The following ERC1 variants were observed in gnomAD, a reference collection of about 807,000 sequenced individuals.
The protein encoded by ERC1 is RAB6 interacting protein 2.
In ERC1, 56 loss-of-function variants were observed where a neutral mutation model predicts 132.0. The observed-to-expected ratio is 0.42, with a 90% confidence interval of 0.34 to 0.53. The LOEUF is 0.53. Ranked by LOEUF, ERC1 falls within the 20% of genes least tolerant of loss-of-function variation. The pLI, the probability that ERC1 is intolerant of heterozygous loss-of-function variation, is 0.03. For missense variants in ERC1, 1,202 were observed against 1,349.9 expected (o/e 0.89, Z 1.72); for synonymous variants, 478 against 476.1 (o/e 1.00, Z -0.05).
chr12:1,137,270 T>C (rs1949350198), intron 7 of ERC1, among the ~76,000 whole-genome samples: 1 of 151,396 alleles, frequency 6.6e-6, no homozygotes, highest in South Asian at 2.1e-4. Context: ...AGCTAATTTT[T>C]GTATTTTTAG....
chr12:1,464,511 CTTTTTTTTTTTTTT>C (rs34542821), intron 18 of ERC1, among the ~76,000 whole-genome samples: 5 of 67,398 alleles, frequency 7.4e-5, no homozygotes, highest in African/African-American at 2.8e-4. Flanking sequence ...ATGCAAAAGC[CTTTTTTTTTTTTTT>C]TTTTTTTTTT....
intron 2 of ERC1, among the ~76,000 whole-genome samples, chr12:1,045,770 A>G (rs1970986209): frequency 6.6e-6 from 1 of 152,172 alleles, no homozygotes; most frequent in Non-Finnish European, 1.5e-5. Context: ...TCAGTCATTT[A>G]TTAAATGTAA....
At chr12:1,431,731 T>C (rs1450514356) in intron 17 of ERC1, among the ~76,000 whole-genome samples, 1 of 152,194 alleles carries the variant, frequency 6.6e-6, no homozygotes, top group Non-Finnish European at 1.5e-5. Flanking sequence ...TGTGAATGGA[T>C]TTTTTAAGAT....
At chr12:1,466,617 G>A (rs192922041) in intron 18 of ERC1, among the ~76,000 whole-genome samples, 5 of 152,252 alleles carry the variant, frequency 3.3e-5, no homozygotes, top group Non-Finnish European at 5.9e-5. Context: ...AATAAACTGT[G>A]GGGCTCTGCC....
At chr12:1,387,402 C>T (rs544000736) in intron 16 of ERC1, among the ~76,000 whole-genome samples, 2 of 152,164 alleles carry the variant, frequency 1.3e-5, no homozygotes, top group East Asian at 1.9e-4. Context: ...ATATGCCCTC[C>T]CCAAACTTAT....
intron 1 of ERC1, among the ~76,000 whole-genome samples, chr12:1,014,368 G>A (rs1326661373): frequency 6.6e-6 from 1 of 151,930 alleles, no homozygotes; most frequent in Non-Finnish European, 1.5e-5. Context: ...TAGAGACGGG[G>A]TTTCACCATG....
intron 2 of ERC1, among the ~76,000 whole-genome samples, chr12:1,049,944 T>C (rs1723441140): frequency 6.6e-6 from 1 of 152,054 alleles, no homozygotes. Context: ...GGTTTTACCA[T>C]GTTGGCCAGG....
At chr12:1,147,571 A>G (rs193207433) in intron 8 of ERC1, among the ~76,000 whole-genome samples, 2 of 152,336 alleles carry the variant, frequency 1.3e-5, no homozygotes, top group East Asian at 3.9e-4. Flanking sequence ...TGACCAGACA[A>G]CTTTTAGTGG....
At chr12:1,294,286 T>C (rs1470425832) in intron 15 of ERC1, among the ~76,000 whole-genome samples, 1 of 152,204 alleles carries the variant, frequency 6.6e-6, no homozygotes, top group Non-Finnish European at 1.5e-5. Context: ...TTATTCCACA[T>C]TTTAGCTTTT....
intron 14 of ERC1, among the ~76,000 whole-genome samples, chr12:1,287,898 A>C (rs916659068): frequency 1.3e-5 from 2 of 152,232 alleles, no homozygotes; most frequent in Non-Finnish European, 2.9e-5. Flanking sequence ...GACAATACCA[A>C]GCATTTATTT....
chr12:1,392,171 A>C (rs557457516), intron 16 of ERC1, among the ~76,000 whole-genome samples: 1 of 152,274 alleles, frequency 6.6e-6, no homozygotes, highest in African/African-American at 2.4e-5. Flanking sequence ...GGTGGGGGTC[A>C]GTGATGGAAA....
intron 12 of ERC1, among the ~76,000 whole-genome samples, chr12:1,205,356 C>T (rs905402909): frequency 4.7e-5 from 7 of 148,208 alleles, no homozygotes; most frequent in South Asian, 2.1e-4. Flanking sequence ...ATAATAATAG[C>T]GATTATATAT....
Position 1,475,669 on chromosome 12 carries a change from T to C in ERC1, c.3214-14424T>C, listed in dbSNP as rs551141745. Among the ~76,000 whole-genome samples, 5 of 152,298 alleles carry C rather than the reference T, an allele frequency of 3.3e-5. No individual in the cohort carries two copies. The South Asian group carries it at 6.2e-4, about 19-fold the overall frequency. On this transcript the variant is annotated intron_variant, in intron 18 of 18. Transcript: ENST00000360905. ...CTCCCATGCCAAAAAGCTTAGTCTT[T>C]TATTTTGTAGGAAGGAAATCATTTA...
chr12:1,032,076 C>T (rs1008586429), intron 2 of ERC1, among the ~76,000 whole-genome samples: 5 of 148,278 alleles, frequency 3.4e-5, no homozygotes, highest in African/African-American at 7.5e-5. Flanking sequence ...GATGGAGTCT[C>T]GCTCTGTAGC....
intron 15 of ERC1, among the ~76,000 whole-genome samples, chr12:1,333,332 T>A (rs1442587629): frequency 1.1e-4 from 6 of 55,152 alleles, no homozygotes; most frequent in Admixed American, 7.3e-4. Flanking sequence ...TGTACCGCAT[T>A]TTTTTTTTTT....
intron 15 of ERC1, among the ~76,000 whole-genome samples, chr12:1,364,914 C>T (rs750252243): frequency 6.6e-6 from 1 of 152,202 alleles, no homozygotes; most frequent in African/African-American, 2.4e-5. Flanking sequence ...TATTAATACA[C>T]TAGATGTTCC....
intron 12 of ERC1, among the ~76,000 whole-genome samples, chr12:1,236,192 T>C (rs1294142001): frequency 3.3e-5 from 5 of 152,104 alleles, no homozygotes; most frequent in Non-Finnish European, 2.9e-5. Context: ...TTTTGAGATA[T>C]AGGTTGTTCT....
chr12:1,096,189 A>G (rs1404790218), intron 3 of ERC1, among the ~76,000 whole-genome samples: 1 of 152,156 alleles, frequency 6.6e-6, no homozygotes, highest in Non-Finnish European at 1.5e-5. Context: ...TGGTTTCCCA[A>G]AGTGTTTGGA....
Position 1,054,386 on chromosome 12 carries a change from T to G in ERC1, c.669+25814T>G, listed in dbSNP as rs75035159. Among the ~76,000 whole-genome samples the G allele has an allele frequency of 3.8e-3, 575 of 152,194 alleles. 13 individuals are homozygous for G. In the East Asian group the frequency reaches 0.063, roughly 17 times the overall value. On this transcript the variant is annotated intron_variant, in intron 2 of 18. Transcript: ENST00000360905. ...ACTGTGTATTGGGATTCCTTTAAGA[T>G]TTTTGTTTTAACATACTTACATTTC... is the stretch of plus-strand genomic sequence containing the variant.
Sources: gnomAD v4.1 joint callset for allele counts (sites outside exome capture counted in the v4.1 genomes callset) on GRCh38, gnomAD v4.1.1 for gene constraint, MANE v1.5 for transcripts, NCBI Gene and HGNC (gene_info 2026-07-23, HGNC 2026-07-21) for gene names.